SOCS4: variants seen among roughly 807,000 people sequenced by gnomAD.
SOCS4 encodes suppressor of cytokine signaling 4.
A neutral mutation model predicts 34.1 loss-of-function variants in SOCS4; 20 were observed. The observed-to-expected ratio is 0.59, with a 90% CI of 0.41 to 0.85. The LOEUF (loss-of-function observed/expected upper bound fraction) is 0.85. Ranked by LOEUF, SOCS4 falls within the 40% of genes least tolerant of loss-of-function variation. The pLI is 0.00. For synonymous variants in SOCS4, 180 were observed against 186.4 expected (o/e 0.97, Z 0.28); for missense variants, 479 against 532.4 (o/e 0.90, Z 0.99).
intron 2 of SOCS4, among the ~76,000 whole-genome samples, chr14:55,039,010 ATTTTC>A (rs1296327741): frequency 1.3e-5 from 2 of 151,916 alleles, no homozygotes; most frequent in South Asian, 2.1e-4. Context: ...TATTTCTCAT[ATTTTC>A]TTGTTGTTTG....
chr14:55,040,120 G>A (rs2042604746), intron 2 of SOCS4, among the ~76,000 whole-genome samples: 1 of 152,148 alleles, frequency 6.6e-6, no homozygotes, highest in Non-Finnish European at 1.5e-5. Context: ...TTGTTCAATG[G>A]AATTTAGTCA....
intron 2 of SOCS4, among the ~76,000 whole-genome samples, chr14:55,038,696 C>T (rs913506122): frequency 1.3e-5 from 2 of 152,126 alleles, no homozygotes; most frequent in Non-Finnish European, 2.9e-5. Flanking sequence ...AATAAATGTC[C>T]CATCTCCTCT....
intron 2 of SOCS4, among the ~76,000 whole-genome samples, chr14:55,034,394 G>C (rs1390335623): frequency 6.6e-6 from 1 of 152,170 alleles, no homozygotes; most frequent in African/African-American, 2.4e-5. Flanking sequence ...TGACATTCTG[G>C]ATCATATATT....
intron 2 of SOCS4, among the ~76,000 whole-genome samples, chr14:55,034,573 C>G (rs2140243935): frequency 6.6e-6 from 1 of 152,162 alleles, no homozygotes; most frequent in Middle Eastern, 3.4e-3. Flanking sequence ...GTGACTCATG[C>G]CTGTAATCTT....
intron 1 of SOCS4, 22 bp downstream of exon 1, chr14:55,027,493 G>GCTGC (rs2042473826): frequency 6.5e-6 from 1 of 153,054 alleles, no homozygotes; most frequent in Non-Finnish European, 1.5e-5. Flanking sequence ...AAGGGTGGCC[G>GCTGC]CTGCCTGGCC....
At chr14:55,032,587 T>C (rs567835533) in intron 2 of SOCS4, among the ~76,000 whole-genome samples, 94 of 152,270 alleles carry the variant, frequency 6.2e-4, no homozygotes, top group African/African-American at 2.2e-3. Context: ...CATAGCTGCC[T>C]TCGTAAAAAA....
rs564644634 is a variant in SOCS4, at chr14:55,045,054, C to G, written c.*690C>G. The G allele has an allele frequency of 6.0e-6, 1 of 167,006 alleles. No homozygotes were observed. Among genetic ancestry groups the G allele is most frequent in the Non-Finnish European group, 1.5e-5 (1 of 68,074 alleles). The allele number at this position is 167,006 out of a possible 1,614,324, so 10.3% of individuals were successfully genotyped here. A position where few individuals can be genotyped will look rare whatever the true frequency, so the allele number is the denominator to read the frequency against. ...GGAAACATATCATTCTGGAGGTGCA[C>G]TTACTCTTCTACAATGTGGCCGGAT... On this transcript the variant is annotated 3_prime_UTR_variant, in exon 3 of 3. Transcript: ENST00000555846.
In SOCS4 at chr14:55,043,794, G is replaced by C. The variant is rs767059317; in HGVS notation, c.753G>C (p.Leu251Phe). The change falls in exon 3 of 3, where the codon TTG becomes TTC. Residue 251 changes from leucine to phenylalanine, a missense_variant. By Grantham distance (22) the Leu-to-Phe change is conservative (BLOSUM62 0). Coordinates refer to ENST00000555846, the MANE Select transcript of SOCS4 (RefSeq NM_199421.2). ...AAAGAAACAAACCCAAATGGGATTT[G>C]GATGATGAAATCCTGCAGTTGGAAA... ...SRKRNKPKWD[L>F]DDEILQLETP... The C allele has an allele frequency of 4.3e-6, 7 of 1,614,134 alleles. No individual in the cohort carries two copies. In the South Asian group the frequency reaches 7.7e-5, roughly 18 times the overall value.
At chr14:55,028,088 AC>A (rs1388877437) in intron 1 of SOCS4, among the ~76,000 whole-genome samples, 4 of 152,054 alleles carry the variant, frequency 2.6e-5, no homozygotes, top group Admixed American at 6.5e-5. Flanking sequence ...TTTTTGTGAT[AC>A]CTTCCAGTAT....
chr14:55,033,518 C>G (rs917127246), intron 2 of SOCS4, among the ~76,000 whole-genome samples: 2 of 152,134 alleles, frequency 1.3e-5, no homozygotes, highest in Non-Finnish European at 2.9e-5. Context: ...GTTACTTTCT[C>G]AGTAATTGTT....
intron 2 of SOCS4, among the ~76,000 whole-genome samples, chr14:55,042,726 A>G (rs1334145895): frequency 6.6e-6 from 1 of 152,210 alleles, no homozygotes; most frequent in African/African-American, 2.4e-5. Flanking sequence ...ATTAGCTATG[A>G]GAAAGGAACT....
In SOCS4 at chr14:55,043,511, A is replaced by G. The variant is rs1260150454; in HGVS notation, c.470A>G (p.Lys157Arg). The stretch of plus-strand genomic sequence containing the variant: ...CGACACACTGCTCCTATAAATTCCA[A>G]ATCAGATGAATGGGTAAGCACAGAC... ...IKRHTAPINS[K>R]SDEWVSTDLS... is the part of the protein sequence containing the mutation. The change falls in exon 3 of 3, where the codon AAA (lysine) becomes AGA (arginine). Residue 157 changes from lysine (K) to arginine (R), a missense_variant. Coordinates refer to ENST00000555846, the MANE Select transcript of SOCS4 (RefSeq NM_199421.2). 2 of 1,614,174 alleles carry G rather than the reference A, an allele frequency of 1.2e-6. No individual in the cohort carries two copies. Among genetic ancestry groups the G allele is most frequent in the Non-Finnish European group, 1.7e-6 (2 of 1,180,022 alleles).
rs778725838 is a variant in SOCS4, at chr14:55,043,267, T to A, written c.226T>A (p.Leu76Met). 1.9e-6 allele frequency: 3 copies of A among 1,614,106 alleles called. No individual in the cohort carries two copies. Among genetic ancestry groups the A allele is most frequent in the Non-Finnish European group, 2.5e-6 (3 of 1,180,044 alleles). ...ERKHSCSSIE[L>M]DLDHSCGHRF... is the part of the protein sequence containing the mutation. The stretch of plus-strand genomic sequence containing the variant: ...GAAGCACAGCTGTTCATCCATTGAG[T>A]TGGACTTAGATCATTCCTGTGGGCA... The change falls in exon 3 of 3, where the codon TTG (leucine) becomes ATG (methionine). Residue 76 changes from leucine to methionine, a missense_variant. Physicochemically the swap from Leu to Met is conservative, Grantham distance 15. Transcript: ENST00000555846.
At chr14:55,037,802 C>CTT (rs1222853156) in intron 2 of SOCS4, among the ~76,000 whole-genome samples, 1 of 152,186 alleles carries the variant, frequency 6.6e-6, no homozygotes, top group African/African-American at 2.4e-5. Context: ...CCCCTACCTC[C>CTT]TTTTTATACC....
At chr14:55,033,822 G>A (rs2042548941) in intron 2 of SOCS4, among the ~76,000 whole-genome samples, 1 of 152,112 alleles carries the variant, frequency 6.6e-6, no homozygotes, top group South Asian at 2.1e-4. Flanking sequence ...TACAATCCAC[G>A]AAATATTCTA....
Position 55,043,144 on chromosome 14 carries a change from A to C in SOCS4, c.103A>C (p.Lys35Gln), listed in dbSNP as rs1277336745. Residue 35 changes from lysine to glutamine, a missense_variant, in exon 3 of 3, where the codon AAG becomes CAG. Physicochemically the swap from Lys to Gln is moderately conservative, Grantham distance 53. Transcript: ENST00000555846. ...AAAAGACGGTTATGTGTGGAGTGGA[A>C]AGAAGTTATCTTGGTCAAAAAAGAG... The part of the protein sequence containing the change: ...DRKDGYVWSG[K>Q]KLSWSKKSES... The C allele has an allele frequency of 2.5e-6, 4 of 1,614,254 alleles. No individual in the cohort carries two copies. Among genetic ancestry groups the C allele is most frequent in the Non-Finnish European group, 2.5e-6 (3 of 1,180,046 alleles).
In SOCS4 at chr14:55,040,091, A is replaced by G. The variant is rs28580550; in HGVS notation, c.-90-2861A>G. The stretch of plus-strand genomic sequence containing the variant: ...AATGACTCTTCATATTCTTCAGCCC[A>G]TCTTGTTGCTTCTAATTTTTGTTCA... On this transcript the variant is annotated intron_variant, in intron 2 of 2. Coordinates refer to ENST00000555846, the MANE Select transcript of SOCS4 (RefSeq NM_199421.2). 2.5e-3 allele frequency among the ~76,000 whole-genome samples: 388 copies of G among 152,356 alleles called. 1 individual carries two copies. Among genetic ancestry groups the G allele is most frequent in the African/African-American group, 8.8e-3 (364 of 41,578 alleles).
At position 55,044,129 on chromosome 14, in the gene SOCS4, A is replaced by G; in HGVS notation, c.1088A>G (p.His363Arg). 6.2e-7 allele frequency: 1 copy of G among 1,614,138 alleles called. No homozygotes were observed. The highest frequency in any genetic ancestry group is 1.3e-5 in the African/African-American group (1 of 75,042). ...CCTGACATTACTGGGCTCCTAGAAC[A>G]TTATAAGGACCCAAGCGCCTGTATG... The part of the protein sequence containing the change: ...HSPDITGLLE[H>R]YKDPSACMFF... Residue 363 changes from histidine (H) to arginine (R), a missense_variant, in exon 3 of 3, where the codon CAT (histidine) becomes CGT (arginine). Coordinates refer to ENST00000555846, the MANE Select transcript of SOCS4 (RefSeq NM_199421.2).
chr14:55,038,495 T>C (rs1004873965), intron 2 of SOCS4, among the ~76,000 whole-genome samples: 1 of 152,178 alleles, frequency 6.6e-6, no homozygotes, highest in Non-Finnish European at 1.5e-5. Flanking sequence ...ATTCTCTTTC[T>C]CCAGGAAAGT....
Sources: gnomAD v4.1 joint callset for allele counts (sites outside exome capture counted in the v4.1 genomes callset) on GRCh38, gnomAD v4.1.1 for gene constraint, MANE v1.5 for transcripts, NCBI Gene and HGNC (gene_info 2026-07-23, HGNC 2026-07-21) for gene names.